Variants in COBL observed in about 807,000 individuals in gnomAD.
The protein encoded by COBL is protein cordon-bleu.
In COBL, 51 loss-of-function variants were observed where a neutral mutation model predicts 98.8. The observed-to-expected ratio is 0.52, with a 90% CI of 0.41 to 0.65. The LOEUF is 0.65. COBL is among the 30% of genes least tolerant of loss of function. The pLI, the probability that COBL is intolerant of heterozygous loss-of-function variation, is 0.00. For missense variants in COBL, 1,617 were observed against 1,617.5 expected, an observed-to-expected ratio of 1.00 and a Z score of 0.01; for synonymous variants, 634 against 651.7, an observed-to-expected ratio of 0.97 and a Z score of 0.41.
chr7:51,272,837 T>C (rs990551447), intron 1 of COBL, among the ~76,000 whole-genome samples: 3 of 152,040 alleles, frequency 2.0e-5, no homozygotes, highest in African/African-American at 4.8e-5. Context: ...AATTCACAAT[T>C]CTAGGGTCAC....
chr7:51,106,166 C>T (rs2196610), intron 6 of COBL, among the ~76,000 whole-genome samples: 58,884 of 145,008 alleles, frequency 0.41, 11,981 homozygotes, highest in East Asian at 0.56. Context: ...ATCGTGCCAT[C>T]GCACTCCAGC....
intron 2 of COBL, among the ~76,000 whole-genome samples, chr7:51,198,219 AG>A (rs1790778161): frequency 6.6e-6 from 1 of 152,220 alleles, no homozygotes; most frequent in South Asian, 2.1e-4. Flanking sequence ...GAATTCCTTC[AG>A]CATTTGCTTA....
At chr7:51,244,196 A>G (rs1358549955) in intron 1 of COBL, among the ~76,000 whole-genome samples, 2 of 152,132 alleles carry the variant, frequency 1.3e-5, no homozygotes, top group African/African-American at 4.8e-5. Context: ...GCTGCAAACC[A>G]TGTTCCACTG....
At chr7:51,291,936 T>A (rs1416181215) in intron 1 of COBL, among the ~76,000 whole-genome samples, 1 of 151,810 alleles carries the variant, frequency 6.6e-6, no homozygotes, top group African/African-American at 2.4e-5. Context: ...CTGAAACAGG[T>A]ATATTACCTG....
At chr7:51,022,191 G>A (rs550941130) in intron 12 of COBL, among the ~76,000 whole-genome samples, 6 of 152,196 alleles carry the variant, frequency 3.9e-5, no homozygotes, top group South Asian at 4.2e-4. Context: ...CTTTCAGCCC[G>A]GGAGCATCTT....
At chr7:51,253,966 T>TTTTTTGATATATATAAAAATATA (rs1796972192) in intron 1 of COBL, among the ~76,000 whole-genome samples, 1 of 152,206 alleles carries the variant, frequency 6.6e-6, no homozygotes, top group African/African-American at 2.4e-5. Context: ...ACTTGTGTAG[T>TTTTTTGATATATATAAAAATATA]TCAAAATCAA....
chr7:51,294,142 T>C (rs1206236046), intron 1 of COBL, among the ~76,000 whole-genome samples: 1 of 144,536 alleles, frequency 6.9e-6, no homozygotes, highest in African/African-American at 2.6e-5. Context: ...AATACAAAAA[T>C]TAGCCAGGCA....
chr7:51,263,074 G>A (rs987439037), intron 1 of COBL, among the ~76,000 whole-genome samples: 6 of 152,322 alleles, frequency 3.9e-5, no homozygotes, highest in East Asian at 1.9e-4. Context: ...TGGAGGTGTC[G>A]CCAGCCACAT....
intron 1 of COBL, among the ~76,000 whole-genome samples, chr7:51,298,373 G>C (rs1047344674): frequency 1.3e-5 from 2 of 152,254 alleles, no homozygotes; most frequent in African/African-American, 4.8e-5. Flanking sequence ...CTTCAACCCA[G>C]TCACCTTTGT....
rs545591225 is a variant in COBL at position 51,070,756 on chromosome 7, G to A, written c.1096+14410C>T. The A allele has an allele frequency of 5.3e-5, 8 of 152,220 alleles. 1 individual carries two copies. In the South Asian group the frequency reaches 6.2e-4, roughly 12 times the overall value. 9.4% of individuals were successfully genotyped at this position (152,220 alleles called of 1,614,324 possible). Reference sequence around the variant, plus strand: ...TGATAAGCATCACAAACACAGATGCGATGTGTGACTGATTATAATGGGTGC... The same window carrying A: ...TGATAAGCATCACAAACACAGATGCAATGTGTGACTGATTATAATGGGTGC... On this transcript the variant is annotated intron_variant, in intron 7 of 12. Coordinates refer to ENST00000265136, the MANE Select transcript of COBL (RefSeq NM_015198.5).
intron 5 of COBL, among the ~76,000 whole-genome samples, chr7:51,140,384 CGCGCATCTGGGGA>C (rs1439533867): frequency 3.3e-5 from 5 of 152,102 alleles, no homozygotes; most frequent in African/African-American, 1.2e-4. Flanking sequence ...GACTCTCATA[CGCGCATCTGGGGA>C]GAGAAGACAG....
At chr7:51,127,042 A>C (rs1798278921) in intron 6 of COBL, among the ~76,000 whole-genome samples, 1 of 152,170 alleles carries the variant, frequency 6.6e-6, no homozygotes, top group African/African-American at 2.4e-5. Flanking sequence ...CACGGTCCCA[A>C]GCTGGGGAGT....
At chr7:51,233,450 T>C (rs923777397) in intron 1 of COBL, among the ~76,000 whole-genome samples, 1 of 152,210 alleles carries the variant, frequency 6.6e-6, no homozygotes, top group Non-Finnish European at 1.5e-5. Context: ...CAGAGCTGTA[T>C]TGAGTTCCTT....
chr7:51,135,711 C>G (rs1350462234), intron 6 of COBL, among the ~76,000 whole-genome samples: 1 of 152,180 alleles, frequency 6.6e-6, no homozygotes, highest in Non-Finnish European at 1.5e-5. Flanking sequence ...CCACATGACA[C>G]ATGCGGCAAG....
At chr7:51,169,619 G>A (rs1158911607) in intron 5 of COBL, among the ~76,000 whole-genome samples, 1 of 152,156 alleles carries the variant, frequency 6.6e-6, no homozygotes, top group Non-Finnish European at 1.5e-5. Context: ...AATACCACAT[G>A]TTCTCACTTA....
chr7:51,094,879 G>C (rs546723623), intron 6 of COBL, among the ~76,000 whole-genome samples: 2 of 152,110 alleles, frequency 1.3e-5, no homozygotes, highest in East Asian at 3.9e-4. Context: ...TGTGTATAGG[G>C]TGAAATGCAA....
intron 5 of COBL, among the ~76,000 whole-genome samples, chr7:51,139,147 G>A (rs1799511271): frequency 6.6e-6 from 1 of 152,124 alleles, no homozygotes; most frequent in Non-Finnish European, 1.5e-5. Flanking sequence ...TAAGGAATGG[G>A]AATAGACCCC....
chr7:51,235,541 G>C (rs1795178272), intron 1 of COBL, among the ~76,000 whole-genome samples: 2 of 152,162 alleles, frequency 1.3e-5, no homozygotes, highest in Admixed American at 1.3e-4. Context: ...TTTGCTGCAA[G>C]TGCGTGATTT....
At chr7:51,085,953 T>G (rs1362168987) in intron 6 of COBL, among the ~76,000 whole-genome samples, 1 of 152,188 alleles carries the variant, frequency 6.6e-6, no homozygotes, top group East Asian at 1.9e-4. Flanking sequence ...TGCTCACAGC[T>G]TTCAACAGTG....
Sources: gnomAD v4.1 joint callset for allele counts (sites outside exome capture counted in the v4.1 genomes callset) on GRCh38, gnomAD v4.1.1 for gene constraint, MANE v1.5 for transcripts, NCBI Gene and HGNC (gene_info 2026-07-23, HGNC 2026-07-21) for gene names.